The following SRP14 variants were observed in gnomAD, a reference collection of about 807,000 sequenced individuals.
The protein encoded by SRP14 is signal recognition particle 14.
SRP14 carries 1 observed loss-of-function variant against 16.0 expected under a neutral mutation model. The observed-to-expected ratio is 0.06, with a 90% CI of 0.02 to 0.30. SRP14 has a LOEUF of 0.30. Among genes scored for constraint, SRP14 ranks in the 10% least tolerant of loss-of-function variants. The probability of loss-of-function intolerance (pLI) is 1.00; values close to 1 mark genes in which losing one functional copy is unlikely to be tolerated. For missense variants in SRP14, 120 were observed against 163.1 expected (o/e 0.74, Z 1.44); for synonymous variants, 67 against 60.1 (o/e 1.12, Z -0.53).
At chr15:40,038,059 T>G (rs1299301920) in intron 3 of SRP14, among the ~76,000 whole-genome samples, 1 of 152,244 alleles carries the variant, frequency 6.6e-6, no homozygotes, top group Non-Finnish European at 1.5e-5. Flanking sequence ...TATGCTACTT[T>G]CATTTCCACA....
intron 1 of SRP14, 27 bp downstream of exon 1, chr15:40,039,066 C>T (rs374146037): frequency 1.5e-5 from 24 of 1,608,648 alleles, no homozygotes; most frequent in Non-Finnish European, 1.9e-5. Context: ...CCGCCCCCTT[C>T]CCTCGGCCGG....
chr15:40,039,021 C>T (rs76171140), intron 1 of SRP14, 72 bp downstream of exon 1: 3 of 1,606,154 alleles, frequency 1.9e-6, no homozygotes, highest in Middle Eastern at 1.7e-4. Flanking sequence ...CCCTGGTCCT[C>T]CTGCAGGAGG....
At chr15:40,037,279 G>GGGAAAAAAAA in intron 3 of SRP14, 3 of 740,790 alleles carry the variant, frequency 4.0e-6, no homozygotes, top group East Asian at 9.3e-5. Flanking sequence ...TCCTTTTGGG[G>GGGAAAAAAAA]AAAAAAAAAA....
Position 40,038,908 on chromosome 15 carries a change from G to A in SRP14, c.65C>T (p.Thr22Met), listed in dbSNP as rs1206429224. The A allele has an allele frequency of 3.1e-6, 5 of 1,613,580 alleles. No individual in the cohort carries two copies. Among genetic ancestry groups the A allele is most frequent in the African/African-American group, 1.3e-5 (1 of 74,908 alleles). The change falls in exon 2 of 5, where the codon ACG becomes ATG. Residue 22 changes from threonine to methionine, a missense_variant. Thr to Met is a moderately conservative substitution (Grantham distance 81). Coordinates refer to ENST00000267884, the MANE Select transcript of SRP14 (RefSeq NM_003134.6). The stretch of plus-strand genomic sequence containing the variant: ...CAAGGTGATATAGACGCTGCCCGAC[G>A]TCCGGCACTTCTGGAAAAGTCTGGT... Reference protein sequence around the residue: ...ELTRLFQKCRTSGSVYITLKK... With the variant: ...ELTRLFQKCRMSGSVYITLKK...
rs2035628101 is a variant in SRP14 at position 40,036,631 on chromosome 15, G to A, written c.244-131C>T. On this transcript the variant is annotated intron_variant, in intron 4 of 4. Coordinates refer to ENST00000267884, the MANE Select transcript of SRP14 (RefSeq NM_003134.6). ...TATAGCACCATTGGACACTTGTACC[G>A]GAAAATGGTATAAGCATAAAACACT... 6.8e-6 allele frequency: 6 copies of A among 884,844 alleles called. No individual in the cohort carries two copies. The East Asian group carries it at 1.2e-4, about 18-fold the overall frequency. 54.8% of individuals were successfully genotyped at this position (884,844 alleles called of 1,614,324 possible).
Position 40,036,060 on chromosome 15 carries a change from A to C in SRP14, c.*273T>G, listed in dbSNP as rs1055054183. The C allele has an allele frequency of 1.0e-5, 5 of 493,376 alleles. No individual in the cohort carries two copies. Among genetic ancestry groups the C allele is most frequent in the Non-Finnish European group, 1.8e-5 (5 of 283,930 alleles). The allele number at this position is 493,376 out of a possible 1,614,324, so 30.6% of individuals were successfully genotyped here. On this transcript the variant is annotated 3_prime_UTR_variant, in exon 5 of 5. Coordinates refer to ENST00000267884, the MANE Select transcript of SRP14 (RefSeq NM_003134.6). ...CAGTGCTGATAAACAGACATGTTTAATGATAGCTTGCTCTTCACAGAGATG... is the reference window on the plus strand; with the variant it reads ...CAGTGCTGATAAACAGACATGTTTACTGATAGCTTGCTCTTCACAGAGATG...
chr15:40,037,279 G>GAAAAAATAAAAAAAAAAA, intron 3 of SRP14: 1 of 740,792 alleles, frequency 1.3e-6, no homozygotes, highest in Non-Finnish European at 1.7e-6. Context: ...TCCTTTTGGG[G>GAAAAAATAAAAAAAAAAA]AAAAAAAAAA....
chr15:40,039,166 G>C lies in SRP14; in HGVS notation c.-50C>G. 3 of 1,591,880 alleles carry C rather than the reference G, an allele frequency of 1.9e-6. No homozygotes were observed. The highest frequency in any genetic ancestry group is 4.5e-5 in the East Asian group (2 of 44,028). ...TCCGCTTAAGCCCCTAGCAGTGAGA[G>C]CCGGAAGTTCGGCCTAGGCTGGGCG... On this transcript the variant is annotated 5_prime_UTR_variant, in exon 1 of 5. Coordinates refer to ENST00000267884, the MANE Select transcript of SRP14 (RefSeq NM_003134.6).
At position 40,036,520 on chromosome 15, in the gene SRP14, A is replaced by G. The variant is rs200561192; in HGVS notation, c.244-20T>C. 3,251 of 1,607,788 alleles carry G rather than the reference A, an allele frequency of 2.0e-3. 6 individuals are homozygous for G. Among genetic ancestry groups the G allele is most frequent in the Non-Finnish European group, 2.6e-3 (3,030 of 1,174,914 alleles). ...ATAAGCCTGAAAGATACAACAGAGC[A>G]TACCTTAGTGGGAAGATGTGCAAAC... is the stretch of plus-strand genomic sequence containing the variant. On this transcript the variant is annotated intron_variant, in intron 4 of 4. Coordinates refer to ENST00000267884, the MANE Select transcript of SRP14 (RefSeq NM_003134.6).
chr15:40,038,534 A>T, intron 2 of SRP14, 140 bp from the exon 3 acceptor site: 1 of 646,254 alleles, frequency 1.5e-6, no homozygotes, highest in Non-Finnish European at 2.8e-6. Flanking sequence ...CTCATCTGCT[A>T]TCACGGTCTG....
At chr15:40,036,853 G>A (rs1442795426) in intron 4 of SRP14, 133 bp downstream of exon 4, 4 of 1,033,944 alleles carry the variant, frequency 3.9e-6, no homozygotes, top group Non-Finnish European at 5.9e-6. Flanking sequence ...CACCCTGGCA[G>A]CTTTTACTTG....
chr15:40,039,143 C>T lies in SRP14; in HGVS notation c.-27G>A, dbSNP rs769490463. 14 of 1,605,814 alleles carry T rather than the reference C, an allele frequency of 8.7e-6. 2 individuals carry two copies. In the South Asian group the frequency reaches 8.9e-5, roughly 10 times the overall value. On this transcript the variant is annotated 5_prime_UTR_variant, in exon 1 of 5. Coordinates refer to ENST00000267884, the MANE Select transcript of SRP14 (RefSeq NM_003134.6). ...GCGGCGACGCTGGCTCGACTCCCTC[C>T]GCTTAAGCCCCTAGCAGTGAGAGCC... is the stretch of plus-strand genomic sequence containing the variant.
Position 40,036,138 on chromosome 15 carries a change from A to C in SRP14, c.*195T>G. The C allele has an allele frequency of 1.1e-6, 1 of 928,316 alleles. No homozygotes were observed. Among genetic ancestry groups the C allele is most frequent in the Non-Finnish European group, 1.6e-6 (1 of 619,794 alleles). 57.5% of individuals were successfully genotyped at this position (928,316 alleles called of 1,614,324 possible). A position where few individuals can be genotyped will look rare whatever the true frequency, so the allele number is the denominator to read the frequency against. ...AGGAGTATATAACCATGCAGCACAG[A>C]CCAATTAGCCAAATGCAAAATAAAC... On this transcript the variant is annotated 3_prime_UTR_variant, in exon 5 of 5. Coordinates refer to ENST00000267884, the MANE Select transcript of SRP14 (RefSeq NM_003134.6).
chr15:40,038,562 C>CT, intron 2 of SRP14, 168 bp from the exon 3 acceptor site: 1 of 616,132 alleles, frequency 1.6e-6, no homozygotes, highest in Non-Finnish European at 2.9e-6. Context: ...CCTGGAGAAA[C>CT]TATTATTTCC....
intron 4 of SRP14, 199 bp downstream of exon 4, chr15:40,036,787 G>T: frequency 1.5e-6 from 1 of 676,410 alleles, no homozygotes; most frequent in South Asian, 1.9e-5. Flanking sequence ...TACAGCCTAA[G>T]ACAAAATCTA....
Position 40,036,983 on chromosome 15 carries a change from C to A in SRP14, c.243+3G>T. 6.2e-7 allele frequency: 1 copy of A among 1,614,034 alleles called. No homozygotes were observed. Among genetic ancestry groups the A allele is most frequent in the South Asian group, 1.1e-5 (1 of 91,076 alleles). ...GGAAACATAAGGAACACCCAAAACTCACCATCTGAAACTTATTCACTTCCT... is the reference window on the plus strand; with the variant it reads ...GGAAACATAAGGAACACCCAAAACTAACCATCTGAAACTTATTCACTTCCT... On this transcript the variant is annotated splice_donor_region_variant and intron_variant, in intron 4 of 4. Transcript: ENST00000267884.
intron 2 of SRP14, 90 bp downstream of exon 2, chr15:40,038,786 G>C: frequency 7.2e-7 from 1 of 1,396,736 alleles, no homozygotes; most frequent in South Asian, 1.2e-5. Flanking sequence ...AAAGGTAGAG[G>C]AAGGCGGCGG....
chr15:40,039,042 G>A (rs375479354), intron 1 of SRP14, 51 bp downstream of exon 1: 3 of 1,606,832 alleles, frequency 1.9e-6, no homozygotes, highest in Non-Finnish European at 2.5e-6. Flanking sequence ...CACAGGTCTC[G>A]AGTAACGCCT....
Position 40,036,188 on chromosome 15 carries a change from T to C in SRP14, c.*145A>G, listed in dbSNP as rs2035616749. On this transcript the variant is annotated 3_prime_UTR_variant, in exon 5 of 5. Coordinates refer to ENST00000267884, the MANE Select transcript of SRP14 (RefSeq NM_003134.6). ...CTAGATTCTTACCACAACTATCCTA[T>C]AAACACTGCAACTATTCTTTCCAAA... 4 of 1,402,552 alleles carry C rather than the reference T, an allele frequency of 2.9e-6. No homozygotes were observed. In the Admixed American group the frequency reaches 6.4e-5, roughly 22 times the overall value. 86.9% of individuals were successfully genotyped at this position (1,402,552 alleles called of 1,614,324 possible).
Sources: gnomAD v4.1 joint callset for allele counts (sites outside exome capture counted in the v4.1 genomes callset) on GRCh38, gnomAD v4.1.1 for gene constraint, MANE v1.5 for transcripts, NCBI Gene and HGNC (gene_info 2026-07-23, HGNC 2026-07-21) for gene names.